Variants in SLC30A2 observed in about 807,000 individuals in gnomAD.
SLC30A2 encodes proton-coupled zinc antiporter SLC30A2.
A neutral mutation model predicts 39.6 loss-of-function variants in SLC30A2; 19 were observed. The observed-to-expected ratio is 0.48, with a 90% CI of 0.34 to 0.70. The LOEUF (loss-of-function observed/expected upper bound fraction) is 0.70. SLC30A2 is among the 30% of genes least tolerant of loss of function. The probability of loss-of-function intolerance (pLI) is 0.01; values close to 1 mark genes in which losing one functional copy is unlikely to be tolerated. For missense variants in SLC30A2, 387 were observed against 479.4 expected (o/e 0.81, Z 1.80); for synonymous variants, 195 against 194.8 (o/e 1.00, Z -0.01).
rs769332895 is a variant in SLC30A2, at chr1:26,043,540, C to A, written c.430G>T (p.Ala144Ser). Residue 144 changes from alanine (A) to serine (S), a missense_variant, in exon 4 of 8, where the codon GCC (alanine) becomes TCC (serine). Physicochemically the swap from Ala to Ser is moderately conservative, Grantham distance 99. Coordinates refer to ENST00000374276, the MANE Select transcript of SLC30A2 (RefSeq NM_001004434.3). ...CAGATGGACAGTACAGAGACCAGGG[C>A]TCCCAAGATCTCTGAGGAAGAACCC... ...FGWQRAEILG[A>S]LVSVLSIWVV... 4 of 1,613,786 alleles carry A rather than the reference C, an allele frequency of 2.5e-6. No homozygotes were observed. Among genetic ancestry groups the A allele is most frequent in the Non-Finnish European group, 3.4e-6 (4 of 1,179,852 alleles).
intron 4 of SLC30A2, 111 bp downstream of exon 4, chr1:26,043,287 C>A (rs1255360314): frequency 2.1e-5 from 25 of 1,187,890 alleles, no homozygotes; most frequent in Non-Finnish European, 3.1e-5. Context: ...AGTTCTGTCC[C>A]TGTAGCGTAT....
rs576342127 is a variant in SLC30A2 at position 26,039,481 on chromosome 1, G to A, written c.974-176C>T. On this transcript the variant is annotated intron_variant, in intron 7 of 7. Transcript: ENST00000374276. This position sits in a 1 kb window ranked among gnomAD's most constrained non-coding sequence, Gnocchi z 4.3. ...GCCTCCCAGCCCAGACCTGGCTCAT[G>A]CCTGAAAGAGCTGGTAAAGCACTGG... Among the ~76,000 whole-genome samples, 4 of 152,340 alleles carry A rather than the reference G, an allele frequency of 2.6e-5. No homozygotes were observed. The highest frequency in any genetic ancestry group is 9.6e-5 in the African/African-American group (4 of 41,582).
At chr1:26,045,555 G>A (rs2050451892) in intron 1 of SLC30A2, 1 of 606,788 alleles carries the variant, frequency 1.6e-6, no homozygotes. Flanking sequence ...GGCCTCCCCG[G>A]GGCGGGGCTG....
chr1:26,045,736 G>C, intron 1 of SLC30A2, 111 bp downstream of exon 1: 1 of 1,552,062 alleles, frequency 6.4e-7, no homozygotes, highest in Non-Finnish European at 8.8e-7. Context: ...CACCCCTCCT[G>C]CATGGTCCCA....
chr1:26,043,271 T>C, intron 4 of SLC30A2, 127 bp downstream of exon 4: 1 of 1,007,080 alleles, frequency 9.9e-7, no homozygotes, highest in Non-Finnish European at 1.5e-6. Flanking sequence ...CTCAGACCAT[T>C]AGGGAAGTTC....
chr1:26,042,747 C>T (rs775097608), intron 4 of SLC30A2, 39 bp from the exon 5 acceptor site: 9 of 1,598,192 alleles, frequency 5.6e-6, no homozygotes, highest in South Asian at 2.2e-5. Flanking sequence ...TCACTGAGGT[C>T]GCAGATGGAG....
At chr1:26,045,635 C>T (rs761526298) in intron 1 of SLC30A2, among the ~76,000 whole-genome samples, 4 of 152,178 alleles carry the variant, frequency 2.6e-5, no homozygotes, top group Non-Finnish European at 4.4e-5. Context: ...CCCCAGGCCC[C>T]CCGCGGGCAG....
intron 1 of SLC30A2, 151 bp downstream of exon 1, chr1:26,045,696 G>T: frequency 7.6e-7 from 1 of 1,319,764 alleles, no homozygotes; most frequent in Non-Finnish European, 1.1e-6. Context: ...TTGGGCCACA[G>T]CCCATTATCT....
At chr1:26,044,831 C>T (rs538955606) in intron 2 of SLC30A2, among the ~76,000 whole-genome samples, 166 bp downstream of exon 2, 32 of 152,342 alleles carry the variant, frequency 2.1e-4, no homozygotes, top group Non-Finnish European at 2.9e-5. Context: ...AGAATAACGT[C>T]ACCCATGTGA....
In SLC30A2 at chr1:26,039,122, G is replaced by A; in HGVS notation, c.*38C>T. ...GGGACACTCAGTCCAGCCACCTGCA[G>A]GTCCTGTTCATGCCCCAGTTGGTGC... On this transcript the variant is annotated 3_prime_UTR_variant, in exon 8 of 8. Transcript: ENST00000374276. This position sits in a 1 kb window ranked among gnomAD's most constrained non-coding sequence, Gnocchi z 4.3. 3.7e-6 allele frequency: 6 copies of A among 1,602,424 alleles called. No individual in the cohort carries two copies. The highest frequency in any genetic ancestry group is 5.1e-6 in the Non-Finnish European group (6 of 1,170,884).
chr1:26,038,482 C>T lies in SLC30A2; in HGVS notation c.*678G>A, dbSNP rs907586254. 2.0e-5 allele frequency: 3 copies of T among 152,250 alleles called. No homozygotes were observed. The highest frequency in any genetic ancestry group is 7.2e-5 in the African/African-American group (3 of 41,468). 9.4% of individuals were successfully genotyped at this position (152,250 alleles called of 1,614,324 possible). On this transcript the variant is annotated 3_prime_UTR_variant, in exon 8 of 8. Coordinates refer to ENST00000374276, the MANE Select transcript of SLC30A2 (RefSeq NM_001004434.3). ...GCTTGGAGGCTGTTAGTGCAGAACC[C>T]AAGCTGAAATCTCTCTACCCCCTGC...
intron 6 of SLC30A2, among the ~76,000 whole-genome samples, chr1:26,040,384 G>A (rs907763953): frequency 1.3e-5 from 2 of 152,040 alleles, no homozygotes. Context: ...GAGTAGCTGG[G>A]ACTACAGGCG....
intron 2 of SLC30A2, 86 bp downstream of exon 2, chr1:26,044,911 T>A: frequency 9.3e-7 from 1 of 1,077,466 alleles, no homozygotes; most frequent in East Asian, 2.4e-5. Flanking sequence ...GTGTGTTCAG[T>A]AATTGGGGCT....
chr1:26,045,913 T>A lies in SLC30A2; in HGVS notation c.-17A>T. Reference sequence around the variant, plus strand: ...GGCCTCCATGCAGTCCCGCGCCGAGTCCCGGCAGCCGCGCAGCCGCCCCGC... The same window carrying A: ...GGCCTCCATGCAGTCCCGCGCCGAGACCCGGCAGCCGCGCAGCCGCCCCGC... On this transcript the variant is annotated 5_prime_UTR_variant, in exon 1 of 8. Coordinates refer to ENST00000374276, the MANE Select transcript of SLC30A2 (RefSeq NM_001004434.3). The A allele has an allele frequency of 6.2e-7, 1 of 1,608,600 alleles. No homozygotes were observed. Among genetic ancestry groups the A allele is most frequent in the East Asian group, 2.2e-5 (1 of 44,762 alleles).
In SLC30A2 at chr1:26,043,409, A is replaced by T; in HGVS notation, c.561T>A (p.Ala187=). The T allele has an allele frequency of 6.2e-7, 1 of 1,613,968 alleles. No individual in the cohort carries two copies. The highest frequency in any genetic ancestry group is 8.5e-7 in the Non-Finnish European group (1 of 1,179,886). The change falls in exon 4 of 8, where the codon GCT becomes GCA. Residue 187 remains alanine (A), a synonymous_variant. Transcript: ENST00000374276. ...GGGGCCCCACTCACATGATGTTCAC[A>T]GCCACAGCGCAGCCCGACGTGATCA... ...TMLITSGCAV[A]VNIIMGLTLH...
At chr1:26,043,251 G>C in intron 4 of SLC30A2, 147 bp downstream of exon 4, 1 of 824,492 alleles carries the variant, frequency 1.2e-6, no homozygotes, top group Non-Finnish European at 1.9e-6. Context: ...AGGTGTTCCA[G>C]GTGCCAGAGC....
chr1:26,045,188 C>G lies in SLC30A2; in HGVS notation c.80G>C (p.Gly27Ala). ...TCGGGGCAGAGGAATCCAGCCAGCC[C>G]CTTCCTGCCACAGAGATCCCGTGTA... ...RSYTGSLWQE[G>A]AGWIPLPRPG... The change falls in exon 2 of 8, where the codon GGG (glycine) becomes GCG (alanine). Residue 27 changes from glycine (G) to alanine (A), a missense_variant. Transcript: ENST00000374276. 1 of 1,612,338 alleles carries G rather than the reference C, an allele frequency of 6.2e-7. No individual in the cohort carries two copies. The highest frequency in any genetic ancestry group is 8.5e-7 in the Non-Finnish European group (1 of 1,179,808).
At chr1:26,042,114 A>G (rs920158689) in intron 5 of SLC30A2, among the ~76,000 whole-genome samples, 1 of 152,176 alleles carries the variant, frequency 6.6e-6, no homozygotes, top group African/African-American at 2.4e-5. Flanking sequence ...ACAGATGGGG[A>G]AATTGAGGCT....
At chr1:26,042,759 T>A (rs780661042) in intron 4 of SLC30A2, 51 bp from the exon 5 acceptor site, 19 of 1,571,872 alleles carry the variant, frequency 1.2e-5, no homozygotes, top group Non-Finnish European at 1.7e-5. Flanking sequence ...CAGATGGAGG[T>A]CACCTATTAG....
Sources: gnomAD v4.1 joint callset for allele counts (sites outside exome capture counted in the v4.1 genomes callset) on GRCh38, gnomAD v4.1.1 for gene constraint, Gnocchi (gnomAD v3.1) non-coding constraint, MANE v1.5 for transcripts, NCBI Gene and HGNC (gene_info 2026-07-23, HGNC 2026-07-21) for gene names.